DYNC2LI1: variants seen among roughly 807,000 people sequenced by gnomAD.
DYNC2LI1 encodes dynein cytoplasmic 2 light intermediate chain 1.
DYNC2LI1 carries 45 observed loss-of-function variants against 51.9 expected under a neutral mutation model. The ratio of observed to expected loss-of-function variants is 0.87; its 90% CI spans 0.68 to 1.11. The LOEUF (loss-of-function observed/expected upper bound fraction) is 1.11, where lower values mean the gene tolerates loss of function less well. DYNC2LI1 is among the 50% of genes most tolerant of loss of function. DYNC2LI1 has a pLI of 0.00. For missense variants in DYNC2LI1, 490 were observed against 417.4 expected (o/e 1.17, Z -1.51); for synonymous variants, 130 against 137.8 (o/e 0.94, Z 0.40).
In DYNC2LI1 at chr2:43,789,730, G is replaced by T. The variant is rs2104685748; in HGVS notation, c.320+9G>T. ...ACAGGTGACACCTTACGGTAAGTGAGCCAGCTCCAGGAAAACCTGTAAGTA... is the reference window on the plus strand; with the variant it reads ...ACAGGTGACACCTTACGGTAAGTGATCCAGCTCCAGGAAAACCTGTAAGTA... On this transcript the variant is annotated intron_variant, in intron 5 of 12. Transcript: ENST00000260605. The T allele has an allele frequency of 6.2e-7, 1 of 1,610,954 alleles. No homozygotes were observed. Among genetic ancestry groups the T allele is most frequent in the Non-Finnish European group, 8.5e-7 (1 of 1,178,468 alleles).
intron 1 of DYNC2LI1, chr2:43,775,854 ATTTTTTTTTTT>A (rs57868887): frequency 7.9e-4 from 40 of 50,444 alleles, no homozygotes; most frequent in Admixed American, 2.4e-3. Flanking sequence ...CACCTGGCCA[ATTTTTTTTTTT>A]TTTTTTTTTT....
At chr2:43,817,352 G>A in the DYNC2LI1 span, among the ~76,000 whole-genome samples, 5 of 152,034 alleles carry the variant, frequency 3.3e-5, no homozygotes, top group East Asian at 3.9e-4. Context: ...GGGCGTGGTG[G>A]TGCGCACCTG....
At chr2:43,810,194 G>T (rs3792009), downstream of DYNC2LI1, among the ~76,000 whole-genome samples, 1 of 152,060 alleles carries the variant, frequency 6.6e-6, no homozygotes, top group Non-Finnish European at 1.5e-5. Context: ...TGGGTTCACA[G>T]ATGTCAAAAT....
downstream of DYNC2LI1, chr2:43,814,572 G>A (rs1461975219): frequency 6.3e-7 from 1 of 1,594,548 alleles, no homozygotes; most frequent in East Asian, 2.2e-5. Flanking sequence ...AAAAGGAATG[G>A]GCATTTCTTG....
At position 43,776,893 on chromosome 2, in the gene DYNC2LI1, A is replaced by T. The variant is rs1673051234; in HGVS notation, c.120A>T (p.Lys40Asn). The change falls in exon 2 of 13, where the codon AAA (lysine) becomes AAT (asparagine). Residue 40 changes from lysine to asparagine, a missense_variant. Coordinates refer to ENST00000260605, the MANE Select transcript of DYNC2LI1 (RefSeq NM_016008.4). ...AATTTGTTTTCTTCATTGGCAGTAA[A>T]AATGGGGTAATGCTTTCTTTTTTTC... ...AEKFVFFIGS[K>N]NGGKTTIILR... The T allele has an allele frequency of 2.0e-6, 3 of 1,489,384 alleles. No homozygotes were observed. The highest frequency in any genetic ancestry group is 2.8e-6 in the Non-Finnish European group (3 of 1,072,446). 92.3% of individuals were successfully genotyped at this position (1,489,384 alleles called of 1,614,324 possible).
At position 43,805,884 on chromosome 2, in the gene DYNC2LI1, C is replaced by CTT. The variant is rs202208932; in HGVS notation, c.993+642_993+643dup. Among the ~76,000 whole-genome samples, 89 of 149,160 alleles carry CTT rather than the reference C, an allele frequency of 6.0e-4. 1 individual carries two copies. The highest frequency in any genetic ancestry group is 2.1e-3 in the African/African-American group (84 of 40,046). On this transcript the variant is annotated intron_variant, in intron 12 of 12. Coordinates refer to ENST00000260605, the MANE Select transcript of DYNC2LI1 (RefSeq NM_016008.4). ...ATACTTAGATTTTTCTTTTCTTTTT[C>CTT]TTTTTCTTTTTTTTTTAAGACGAGT...
chr2:43,807,728 T>C lies in DYNC2LI1; in HGVS notation c.994-1977T>C, dbSNP rs183067222. 3.3e-3 allele frequency among the ~76,000 whole-genome samples: 449 copies of C among 136,628 alleles called. 1 individual carries two copies. Among genetic ancestry groups the C allele is most frequent in the African/African-American group, 0.011 (413 of 36,102 alleles). 89.6% of individuals were successfully genotyped at this position (136,628 alleles called of 152,430 possible). A position where few individuals can be genotyped will look rare whatever the true frequency, so the allele number is the denominator to read the frequency against. On this transcript the variant is annotated intron_variant, in intron 12 of 12. Transcript: ENST00000260605. The stretch of plus-strand genomic sequence containing the variant: ...GCCACTGTGCCCAGCTTCTTTTCTA[T>C]TATTTTTGTTAAAGCAAAAAAAAAA...
downstream of DYNC2LI1, chr2:43,812,369 G>C (rs927595400): frequency 2.8e-5 from 4 of 144,454 alleles, no homozygotes; most frequent in Non-Finnish European, 6.0e-5. Context: ...TTAAGTTTTA[G>C]GGTACATGTG....
chr2:43,790,467 G>C (rs1246811078), intron 5 of DYNC2LI1, among the ~76,000 whole-genome samples: 1 of 152,102 alleles, frequency 6.6e-6, no homozygotes, highest in Non-Finnish European at 1.5e-5. Context: ...TAAGCTCCTT[G>C]GAGGATTGAA....
At chr2:43,794,374 T>C in intron 5 of DYNC2LI1, 83 bp from the exon 6 acceptor site, 1 of 1,365,354 alleles carries the variant, frequency 7.3e-7, no homozygotes, top group Non-Finnish European at 9.8e-7. Context: ...ATTTTAGTTA[T>C]TCTTAGATAA....
At chr2:43,807,827 C>T (rs1202861742) in intron 12 of DYNC2LI1, among the ~76,000 whole-genome samples, 2 of 143,016 alleles carry the variant, frequency 1.4e-5, no homozygotes, top group African/African-American at 5.1e-5. Context: ...CAGTTATCTT[C>T]GGAAAACTTT....
At chr2:43,823,325 G>A in the DYNC2LI1 span, among the ~76,000 whole-genome samples, 2 of 117,844 alleles carry the variant, frequency 1.7e-5, no homozygotes, top group East Asian at 2.7e-4. Flanking sequence ...ACTTGCTCTC[G>A]GAAGGCCAGG....
Position 43,801,426 on chromosome 2 carries a change from G to T in DYNC2LI1, c.732-213G>T, listed in dbSNP as rs571348388. 18 of 392,034 alleles carry T rather than the reference G, an allele frequency of 4.6e-5. No individual in the cohort carries two copies. The South Asian group carries it at 5.0e-4, about 11-fold the overall frequency. The allele number at this position is 392,034 out of a possible 1,614,324, so 24.3% of individuals were successfully genotyped here. A position where few individuals can be genotyped will look rare whatever the true frequency, so the allele number is the denominator to read the frequency against. On this transcript the variant is annotated intron_variant, in intron 9 of 12. Transcript: ENST00000260605. ...CTTGGTTTTGATTTAAGGTAATAGG[G>T]TCTGTCACTTTTTTTCCTATAAAAT...
chr2:43,792,540 T>C (rs1354489557), intron 5 of DYNC2LI1: 1 of 753,730 alleles, frequency 1.3e-6, no homozygotes, highest in Non-Finnish European at 1.9e-6. Flanking sequence ...TAGCGTAAAA[T>C]TTTAGTCATT....
rs202214160 is a variant in DYNC2LI1 at position 43,783,812 on chromosome 2, AT to A, written c.161+261del. On this transcript the variant is annotated intron_variant, in intron 3 of 12. Coordinates refer to ENST00000260605, the MANE Select transcript of DYNC2LI1 (RefSeq NM_016008.4). ...CCATAATTACCCAACCTACAATAGT[AT>A]TTACCTTCTTTTTGGCTATGCTACT... Among the ~76,000 whole-genome samples, 4 of 152,262 alleles carry A rather than the reference AT, an allele frequency of 2.6e-5. No individual in the cohort carries two copies. In the East Asian group the frequency reaches 7.7e-4, roughly 29 times the overall value.
chr2:43,797,734 G>T (rs548168952), intron 8 of DYNC2LI1, among the ~76,000 whole-genome samples: 1 of 151,842 alleles, frequency 6.6e-6, no homozygotes, highest in East Asian at 1.9e-4. Flanking sequence ...TGGCCAGGCT[G>T]GTCTTGAACT....
chr2:43,798,770 A>G (rs1665976813), intron 8 of DYNC2LI1, among the ~76,000 whole-genome samples: 1 of 152,242 alleles, frequency 6.6e-6, no homozygotes, highest in African/African-American at 2.4e-5. Flanking sequence ...CTTCTGGACC[A>G]CCAAAGGAAC....
At position 43,804,784 on chromosome 2, in the gene DYNC2LI1, C is replaced by CT. The variant is rs779838082; in HGVS notation, c.900+46dup. 14 of 1,239,336 alleles carry CT rather than the reference C, an allele frequency of 1.1e-5. No homozygotes were observed. The African/African-American group carries it at 1.5e-4, about 14-fold the overall frequency. 76.8% of individuals were successfully genotyped at this position (1,239,336 alleles called of 1,614,324 possible). A position where few individuals can be genotyped will look rare whatever the true frequency, so the allele number is the denominator to read the frequency against. On this transcript the variant is annotated intron_variant, in intron 11 of 12. Transcript: ENST00000260605. Reference sequence around the variant, plus strand: ...TTAAAAGCAAGACTTTTAGCACTGTCTAACAGTTATAGGAAATGTGTCAAA... The same window carrying CT: ...TTAAAAGCAAGACTTTTAGCACTGTCTTAACAGTTATAGGAAATGTGTCAAA...
chr2:43,798,220 G>T (rs950103605), intron 8 of DYNC2LI1, among the ~76,000 whole-genome samples: 1 of 152,130 alleles, frequency 6.6e-6, no homozygotes, highest in African/African-American at 2.4e-5. Context: ...CTAGCCGCTT[G>T]CTTTCATGGC....
Sources: gnomAD v4.1 joint callset for allele counts (sites outside exome capture counted in the v4.1 genomes callset) on GRCh38, gnomAD v4.1.1 for gene constraint, MANE v1.5 for transcripts, NCBI Gene and HGNC (gene_info 2026-07-23, HGNC 2026-07-21) for gene names.